Variants in SUPT20H observed in about 807,000 individuals in gnomAD.
SUPT20H encodes transcription factor SPT20 homolog.
In SUPT20H, 82 loss-of-function variants were observed where a neutral mutation model predicts 122.8. The observed-to-expected ratio is 0.67, with a 90% CI of 0.56 to 0.80. The LOEUF is 0.80. Ranked by LOEUF, SUPT20H falls within the 30% of genes least tolerant of loss-of-function variation. The pLI is 0.00. For synonymous variants in SUPT20H, 291 were observed against 313.0 expected, an observed-to-expected ratio of 0.93 and a Z score of 0.74; for missense variants, 831 against 921.6, an observed-to-expected ratio of 0.90 and a Z score of 1.27.
chr13:37,058,967 G>A (rs757034742), intron 1 of SUPT20H, among the ~76,000 whole-genome samples: 8 of 152,192 alleles, frequency 5.3e-5, no homozygotes, highest in Non-Finnish European at 1.2e-4. Flanking sequence ...AGACTTTGAT[G>A]AATTGCACTC....
In SUPT20H at chr13:37,016,661, T is replaced by C. The variant is rs914300327; in HGVS notation, c.1992+584A>G. ...AAAAGGACTAATGGTGAATATTTCA[T>C]ATAATTTGTGAGATAGAGAAACTCT... On this transcript the variant is annotated intron_variant, in intron 23 of 25. Transcript: ENST00000350612. Among the ~76,000 whole-genome samples, 4 of 152,262 alleles carry C rather than the reference T, an allele frequency of 2.6e-5. No individual in the cohort carries two copies. The South Asian group carries it at 8.3e-4, about 32-fold the overall frequency.
chr13:37,033,405 A>G (rs747300021), intron 10 of SUPT20H, 44 bp downstream of exon 10: 3 of 1,591,794 alleles, frequency 1.9e-6, no homozygotes, highest in Non-Finnish European at 2.6e-6. Context: ...CAAAATTTAT[A>G]GCTACTTGTG....
chr13:37,038,423 G>A (rs2064901278), intron 9 of SUPT20H: 1 of 152,180 alleles, frequency 6.6e-6, no homozygotes, highest in South Asian at 2.1e-4. Flanking sequence ...GTAAGAATCT[G>A]ATGCCCTAGC....
At position 37,025,454 on chromosome 13, in the gene SUPT20H, A is replaced by G; in HGVS notation, c.1212-17T>C. 6.4e-7 allele frequency: 1 copy of G among 1,566,404 alleles called. No individual in the cohort carries two copies. The highest frequency in any genetic ancestry group is 2.3e-5 in the East Asian group (1 of 44,392). On this transcript the variant is annotated splice_polypyrimidine_tract_variant and intron_variant, in intron 16 of 25. Coordinates refer to ENST00000350612, the MANE Select transcript of SUPT20H (RefSeq NM_001014286.3). Reference sequence around the variant, plus strand: ...TTGACTACCCTAAAATATCAGGAGAAAACAGGTAAAGATTAGAAAACCTGT... The same window carrying G: ...TTGACTACCCTAAAATATCAGGAGAGAACAGGTAAAGATTAGAAAACCTGT...
rs779204624 is a variant in SUPT20H at position 37,021,504 on chromosome 13, G to A, written c.1760C>T (p.Ser587Leu). The change falls in exon 21 of 26, where the codon TCA becomes TTA. Residue 587 changes from serine to leucine, a missense_variant. Coordinates refer to ENST00000350612, the MANE Select transcript of SUPT20H (RefSeq NM_001014286.3). ...CAGTGCATTTGGTAGCAGACCTCCT[G>A]AGGGTAGAAGGCCGCTCAGGTTTAT... ...AGINLSGLLP[S>L]GGLLPNALPS... The A allele has an allele frequency of 1.9e-6, 3 of 1,613,968 alleles. No homozygotes were observed. Among genetic ancestry groups the A allele is most frequent in the Non-Finnish European group, 2.5e-6 (3 of 1,179,942 alleles).
At chr13:37,051,026 G>A (rs1238195928) in intron 2 of SUPT20H, among the ~76,000 whole-genome samples, 1 of 152,192 alleles carries the variant, frequency 6.6e-6, no homozygotes, top group African/African-American at 2.4e-5. Context: ...TTTAGTGACT[G>A]TAAGTCAGTG....
At chr13:37,047,021 T>C (rs992782694) in intron 5 of SUPT20H, 2 of 152,254 alleles carry the variant, frequency 1.3e-5, no homozygotes, top group African/African-American at 4.8e-5. Context: ...TTCTGTTACA[T>C]GTCTACTACC....
In SUPT20H at chr13:37,045,321, A is replaced by C; in HGVS notation, c.218T>G (p.Leu73Trp). The change falls in exon 6 of 26, where the codon TTG (leucine) becomes TGG (tryptophan). Residue 73 changes from leucine to tryptophan, a missense_variant. Physicochemically the swap from Leu to Trp is moderately conservative, Grantham distance 61. Transcript: ENST00000350612. Reference protein sequence around the residue: ...LLEKLVMQETLSCLVVNLYPG... With the variant: ...LLEKLVMQETWSCLVVNLYPG... ...GTATAGATTGACCACTAAACATGAC[A>C]AAGTCTCTTGCATAACAAGCTTCTC... 6.2e-7 allele frequency: 1 copy of C among 1,613,742 alleles called. No individual in the cohort carries two copies. Among genetic ancestry groups the C allele is most frequent in the Non-Finnish European group, 8.5e-7 (1 of 1,179,792 alleles).
intron 17 of SUPT20H, chr13:37,024,947 C>CTT: frequency 9.8e-5 from 17 of 173,310 alleles, no homozygotes; most frequent in Non-Finnish European, 1.2e-4. Context: ...AAAAATGATT[C>CTT]TTTTTTTTTT....
chr13:37,046,629 A>G (rs2066489267), intron 5 of SUPT20H, among the ~76,000 whole-genome samples: 1 of 152,152 alleles, frequency 6.6e-6, no homozygotes, highest in Non-Finnish European at 1.5e-5. Context: ...TCCAATTTAG[A>G]ATCTTCATAT....
intron 23 of SUPT20H, among the ~76,000 whole-genome samples, chr13:37,015,365 G>GGT (rs909534471): frequency 6.0e-5 from 9 of 150,498 alleles, no homozygotes; most frequent in African/African-American, 2.2e-4. Flanking sequence ...CTCCAAAGAT[G>GGT]GTACACAAAT....
chr13:37,055,007 C>A (rs1030295118), intron 1 of SUPT20H, among the ~76,000 whole-genome samples: 2 of 152,108 alleles, frequency 1.3e-5, no homozygotes, highest in African/African-American at 2.4e-5. Context: ...TGAGTGAATT[C>A]CCATTCACAA....
intron 21 of SUPT20H, among the ~76,000 whole-genome samples, chr13:37,020,402 T>C (rs1484540357): frequency 6.6e-6 from 1 of 152,196 alleles, no homozygotes; most frequent in Non-Finnish European, 1.5e-5. Context: ...ATACTTCATT[T>C]AGTTCTCTTA....
At position 37,029,780 on chromosome 13, in the gene SUPT20H, T is replaced by G; in HGVS notation, c.978A>C (p.Thr326=). Residue 326 remains threonine (T), a synonymous_variant, in exon 13 of 26, where the codon ACA becomes ACC. Transcript: ENST00000350612. ...GATTTCTTACATGGGCTGGCCAGACTGTTGGCTGTGAGTCATCAGATTTGA... is the reference window on the plus strand; with the variant it reads ...GATTTCTTACATGGGCTGGCCAGACGGTTGGCTGTGAGTCATCAGATTTGA... ...KSIKSDDSQP[T]VWPAHDVKDD... 3 of 1,599,842 alleles carry G rather than the reference T, an allele frequency of 1.9e-6. No individual in the cohort carries two copies. Among genetic ancestry groups the G allele is most frequent in the Non-Finnish European group, 2.6e-6 (3 of 1,174,204 alleles).
intron 20 of SUPT20H, 86 bp downstream of exon 20, chr13:37,021,925 G>T: frequency 7.0e-7 from 1 of 1,420,508 alleles, no homozygotes; most frequent in Non-Finnish European, 9.5e-7. Context: ...TATGCGGTTT[G>T]TTCTTAATTT....
chr13:37,009,845 AATGCAGGC>A, intron 25 of SUPT20H, 36 bp from the exon 26 acceptor site: 1 of 1,596,382 alleles, frequency 6.3e-7, no homozygotes, highest in Non-Finnish European at 8.5e-7. Context: ...AGTTATGTTA[AATGCAGGC>A]AGGTGTAGAA....
At chr13:37,032,559 C>T (rs2063557520) in intron 10 of SUPT20H, among the ~76,000 whole-genome samples, 1 of 152,144 alleles carries the variant, frequency 6.6e-6, no homozygotes, top group Admixed American at 6.6e-5. Flanking sequence ...TCCTCAGGAA[C>T]CAGTGCCAGG....
intron 15 of SUPT20H, 94 bp downstream of exon 15, chr13:37,026,696 C>T (rs2062346176): frequency 5.5e-6 from 4 of 732,964 alleles, no homozygotes; most frequent in Non-Finnish European, 2.1e-6. Context: ...ATATTTATCA[C>T]TGATTCAAAT....
At chr13:37,010,278 GTC>G (rs1240202856) in intron 25 of SUPT20H, among the ~76,000 whole-genome samples, 4 of 152,140 alleles carry the variant, frequency 2.6e-5, no homozygotes, top group Admixed American at 1.3e-4. Context: ...ACTTACAACT[GTC>G]TTTCAAAATA....
Sources: gnomAD v4.1 joint callset for allele counts (sites outside exome capture counted in the v4.1 genomes callset) on GRCh38, gnomAD v4.1.1 for gene constraint, MANE v1.5 for transcripts, NCBI Gene and HGNC (gene_info 2026-07-23, HGNC 2026-07-21) for gene names.